Variants in NRG2 observed in about 807,000 individuals in gnomAD.
NRG2 encodes the protein pro-neuregulin-2, membrane-bound isoform.
A neutral mutation model predicts 73.9 loss-of-function variants in NRG2; 27 were observed. That is an observed-to-expected ratio of 0.37 (90% CI 0.27 to 0.50). NRG2 has a LOEUF of 0.50. NRG2 is among the 20% of genes least tolerant of loss of function. The probability of loss-of-function intolerance (pLI) is 0.96; values close to 1 mark genes in which losing one functional copy is unlikely to be tolerated. For missense variants in NRG2, 1,126 were observed against 1,210.1 expected (o/e 0.93, Z 1.03); for synonymous variants, 532 against 541.0 (o/e 0.98, Z 0.23).
chr5:140,011,094 A>G (rs370850567), intron 1 of NRG2, among the ~76,000 whole-genome samples: 1 of 152,244 alleles, frequency 6.6e-6, no homozygotes, highest in African/African-American at 2.4e-5. Context: ...AGGTGATCTT[A>G]TCTTGTTACA....
Position 139,856,003 on chromosome 5 carries a change from ACTC to A in NRG2, c.1190-228_1190-226del, listed in dbSNP as rs1761784974. 6.6e-6 allele frequency among the ~76,000 whole-genome samples: 1 copy of A among 151,680 alleles called. No individual in the cohort carries two copies. Among genetic ancestry groups the A allele is most frequent in the African/African-American group, 2.4e-5 (1 of 41,240 alleles). ...CCACCCATGGATCTGGTCACACACA[ACTC>A]CTCCTGAGTTCCCCTCCCCAAGCCC... On this transcript the variant is annotated intron_variant, in intron 5 of 9. Transcript: ENST00000361474. This position sits in a 1 kb window ranked among gnomAD's most constrained non-coding sequence, Gnocchi z 4.2.
intron 1 of NRG2, among the ~76,000 whole-genome samples, chr5:139,922,206 C>T (rs749652483): frequency 6.6e-6 from 1 of 151,978 alleles, no homozygotes; most frequent in South Asian, 2.1e-4. Context: ...AACATACACA[C>T]CTAATGAATT....
intron 1 of NRG2, among the ~76,000 whole-genome samples, chr5:139,979,560 A>G (rs1279533563): frequency 6.6e-6 from 1 of 152,188 alleles, no homozygotes; most frequent in Admixed American, 6.5e-5. Context: ...GAATGTGGGG[A>G]ATGATGGGAT....
intron 1 of NRG2, among the ~76,000 whole-genome samples, chr5:139,918,654 C>T (rs547521563): frequency 1.3e-5 from 2 of 152,272 alleles, no homozygotes; most frequent in East Asian, 3.9e-4. Flanking sequence ...GGGGAAAGAG[C>T]CGCGTGAGCT....
chr5:139,857,446 G>A (rs924607293), intron 5 of NRG2, among the ~76,000 whole-genome samples: 2 of 152,106 alleles, frequency 1.3e-5, no homozygotes, highest in African/African-American at 4.8e-5. Context: ...GAGAGGACTG[G>A]TTCCCCTCAC....
rs533740690 is a variant in NRG2 at position 139,955,102 on chromosome 5, G to A, written c.701-67591C>T. Among the ~76,000 whole-genome samples, 26 of 152,348 alleles carry A rather than the reference G, an allele frequency of 1.7e-4. No individual in the cohort carries two copies. In the South Asian group the frequency reaches 4.4e-3, roughly 25 times the overall value. On this transcript the variant is annotated intron_variant, in intron 1 of 9. Transcript: ENST00000361474. The stretch of plus-strand genomic sequence containing the variant: ...AGCATGGAGAAAATGGAGAATGAGA[G>A]GGTTATCCCCGGCCCTTGAAGAGCT...
At chr5:140,018,111 C>T (rs1759940584) in intron 1 of NRG2, among the ~76,000 whole-genome samples, 1 of 152,048 alleles carries the variant, frequency 6.6e-6, no homozygotes, top group Admixed American at 6.5e-5. Context: ...TCTTGGTGGG[C>T]AATGTAGATC....
chr5:139,914,196 A>G (rs1399214942), intron 1 of NRG2, among the ~76,000 whole-genome samples: 3 of 152,196 alleles, frequency 2.0e-5, no homozygotes, highest in Admixed American at 2.0e-4. Context: ...GTGGTCTGTC[A>G]TGGTGGATTT....
At chr5:139,848,858 A>G (rs1005514396) in intron 9 of NRG2, among the ~76,000 whole-genome samples, 161 bp from the exon 10 acceptor site, 2 of 152,152 alleles carry the variant, frequency 1.3e-5, no homozygotes, top group Non-Finnish European at 2.9e-5. Context: ...CAGTGGCCTT[A>G]TGCAATTTCC....
chr5:139,880,645 G>A (rs768733521), intron 3 of NRG2, among the ~76,000 whole-genome samples: 4 of 151,918 alleles, frequency 2.6e-5, no homozygotes, highest in South Asian at 2.1e-4. Context: ...GAGAGCTGGC[G>A]GCTCTTCCAG....
At chr5:140,005,385 C>T (rs544610054) in intron 1 of NRG2, among the ~76,000 whole-genome samples, 23 of 152,306 alleles carry the variant, frequency 1.5e-4, no homozygotes, top group Admixed American at 9.8e-4. Flanking sequence ...AGCAGCGTGG[C>T]AAAACCAACA....
chr5:140,024,317 C>A (rs1021472131), intron 1 of NRG2, among the ~76,000 whole-genome samples: 4 of 151,106 alleles, frequency 2.6e-5, no homozygotes, highest in African/African-American at 9.8e-5. Flanking sequence ...TGCAGTGGCG[C>A]GATCTCAGCT....
chr5:139,944,202 T>C (rs995311414), intron 1 of NRG2, among the ~76,000 whole-genome samples: 14 of 152,218 alleles, frequency 9.2e-5, no homozygotes, highest in African/African-American at 3.4e-4. Context: ...GGTATGGTGA[T>C]TAGATCAGGG....
chr5:139,890,672 C>T (rs1281572866), intron 1 of NRG2, among the ~76,000 whole-genome samples: 1 of 152,048 alleles, frequency 6.6e-6, no homozygotes, highest in Non-Finnish European at 1.5e-5. Flanking sequence ...GGATGCTAAT[C>T]GGAATCACAT....
At chr5:139,876,383 C>A (rs1187225390) in intron 3 of NRG2, among the ~76,000 whole-genome samples, 1 of 151,952 alleles carries the variant, frequency 6.6e-6, no homozygotes, top group African/African-American at 2.4e-5. Flanking sequence ...TTTGGGGTGA[C>A]AAAAATGTCC....
intron 1 of NRG2, among the ~76,000 whole-genome samples, chr5:139,958,579 G>GT (rs1754816254): frequency 1.3e-5 from 2 of 152,148 alleles, no homozygotes; most frequent in East Asian, 3.9e-4. Flanking sequence ...AGCTGAAGGG[G>GT]TTTTTTACTC....
chr5:139,938,887 A>G (rs5013523), intron 1 of NRG2, among the ~76,000 whole-genome samples: 7,474 of 80,914 alleles, frequency 0.092, 248 homozygotes, highest in African/African-American at 0.16. Flanking sequence ...AGAGAAGGAA[A>G]GAAAGAAAGA....
In NRG2 at chr5:139,852,866, CTG is replaced by C. The variant is rs764618729; in HGVS notation, c.1416+36_1416+37del. On this transcript the variant is annotated intron_variant, in intron 7 of 9. Coordinates refer to ENST00000361474, the MANE Select transcript of NRG2 (RefSeq NM_004883.3). This position sits in a 1 kb window ranked among gnomAD's most constrained non-coding sequence, Gnocchi z 4.4. ...GGGGCATGAGAAGGCTGGCTGTCCA[CTG>C]AGGGCTCAGAAGGGGGCCCCAGGAA... 1 of 1,612,270 alleles carries C rather than the reference CTG, an allele frequency of 6.2e-7. No individual in the cohort carries two copies.
In NRG2 at chr5:139,941,177, G is replaced by T. The variant is rs1341584463; in HGVS notation, c.701-53666C>A. On this transcript the variant is annotated intron_variant, in intron 1 of 9. Transcript: ENST00000361474. ...TTTTCATCTTGTGAGCTAAAGCTCA[G>T]CAGACTTTTTCTGTTAAGAGCCAGG... 2.0e-5 allele frequency among the ~76,000 whole-genome samples: 3 copies of T among 152,158 alleles called. No individual in the cohort carries two copies. In the East Asian group the frequency reaches 5.8e-4, roughly 29 times the overall value.
Sources: gnomAD v4.1 joint callset for allele counts (sites outside exome capture counted in the v4.1 genomes callset) on GRCh38, gnomAD v4.1.1 for gene constraint, Gnocchi (gnomAD v3.1) non-coding constraint, MANE v1.5 for transcripts, NCBI Gene and HGNC (gene_info 2026-07-23, HGNC 2026-07-21) for gene names.